CLUH: variants seen among roughly 807,000 people sequenced by gnomAD.
The protein encoded by CLUH is clustered mitochondria protein homolog.
Under a neutral mutation model 139.3 loss-of-function variants are expected in CLUH, and 77 were observed. The ratio of observed to expected loss-of-function variants is 0.55; its 90% CI spans 0.46 to 0.67. The LOEUF (loss-of-function observed/expected upper bound fraction) is 0.67, where lower values mean the gene tolerates loss of function less well. CLUH is among the 30% of genes least tolerant of loss of function. The pLI, the probability that CLUH is intolerant of heterozygous loss-of-function variation, is 0.00. For synonymous variants in CLUH, 999 were observed against 801.6 expected (o/e 1.25, Z -4.16); for missense variants, 1,876 against 1,875.8 (o/e 1.00, Z 0.00).
In CLUH at chr17:2,691,851, G is replaced by A. The variant is rs761481716; in HGVS notation, c.3699C>T (p.Leu1233=). ...CCACGGCCTGCTGGGTCAGGCACTT[G>A]AGGTACTCGGAGCTTTCCTTGGTCT... is the stretch of plus-strand genomic sequence containing the variant. ...HEKTKESSEY[L]KCLTQQAVAL... The change falls in exon 24 of 26, where the codon CTC becomes CTT. Residue 1233 remains leucine (L), a synonymous_variant. Coordinates refer to ENST00000651024, the MANE Select transcript of CLUH (RefSeq NM_001366661.1). The A allele has an allele frequency of 7.2e-5, 112 of 1,550,736 alleles. 1 individual carries two copies. The South Asian group carries it at 1.3e-3, about 17-fold the overall frequency.
chr17:2,700,991 G>C (rs2070157076), intron 7 of CLUH, 149 bp downstream of exon 7: 1 of 1,456,936 alleles, frequency 6.9e-7, no homozygotes, highest in African/African-American at 1.4e-5. Flanking sequence ...TGCTGTCTCG[G>C]CACTGGCCGA....
chr17:2,698,708 G>C (rs1030124866), intron 9 of CLUH, 118 bp from the exon 10 acceptor site: 2 of 929,598 alleles, frequency 2.2e-6, no homozygotes, highest in African/African-American at 3.3e-5. Context: ...GAAACCCAAG[G>C]ACCCGGAGCC....
Position 2,694,453 on chromosome 17 carries a change from AGCGGGGATGCT to A in CLUH, c.2937+16_2937+26del. 1.2e-6 allele frequency: 1 copy of A among 814,568 alleles called. No homozygotes were observed. The highest frequency in any genetic ancestry group is 1.9e-6 in the Non-Finnish European group (1 of 526,812). The allele number at this position is 814,568 out of a possible 1,614,324, so 50.5% of individuals were successfully genotyped here. ...CGCAGCGGGGACACAGCGGGGACACAGCGGGGATGCTGTGAGCCATGCCCACCTGGATCCCT... is the reference window on the plus strand; with the variant it reads ...CGCAGCGGGGACACAGCGGGGACACAGTGAGCCATGCCCACCTGGATCCCT... On this transcript the variant is annotated intron_variant, in intron 17 of 25. Coordinates refer to ENST00000651024, the MANE Select transcript of CLUH (RefSeq NM_001366661.1).
Position 2,704,378 on chromosome 17 carries a change from T to C in CLUH, c.287A>G (p.Glu96Gly). The change falls in exon 2 of 26, where the codon GAG becomes GGG. Residue 96 changes from glutamate (E) to glycine (G), a missense_variant. Glu to Gly is a moderately conservative substitution (Grantham distance 98). Transcript: ENST00000651024. This position sits in a 1 kb window ranked among gnomAD's most constrained non-coding sequence, Gnocchi z 5.7. ...CCATCTTACCTGCAGGGAGAAGGGC[T>C]CGATCCCAGGGGCGAGGATCTTCAC... ...FSVKILAPGIEPFSLQVSPQE... is the reference protein window; with the variant it reads ...FSVKILAPGIGPFSLQVSPQE... The C allele has an allele frequency of 6.2e-7, 1 of 1,611,052 alleles. No homozygotes were observed. Among genetic ancestry groups the C allele is most frequent in the Non-Finnish European group, 8.5e-7 (1 of 1,178,810 alleles).
chr17:2,690,705 C>T lies in CLUH; in HGVS notation c.3936G>A (p.Arg1312=). Residue 1312 remains arginine (R), a synonymous_variant, in exon 26 of 26, where the codon AGG becomes AGA. Transcript: ENST00000651024. ...TAGCCATGGGCTCCTCGGCTCTATC[C>T]CTGTTTCTGCTGGCCTCCTGGAGCT... is the stretch of plus-strand genomic sequence containing the variant. The part of the protein sequence containing the change: ...RHQLQEASRN[R]DRAEEPMATE... 6.4e-7 allele frequency: 1 copy of T among 1,562,090 alleles called. No homozygotes were observed. The highest frequency in any genetic ancestry group is 1.2e-5 in the South Asian group (1 of 84,396).
In CLUH at chr17:2,704,212, C is replaced by T. The variant is rs917222900; in HGVS notation, c.303+150G>A. 1.6e-5 allele frequency: 13 copies of T among 825,506 alleles called. No individual in the cohort carries two copies. The highest frequency in any genetic ancestry group is 3.6e-5 in the South Asian group (2 of 56,282). 51.1% of individuals were successfully genotyped at this position (825,506 alleles called of 1,614,324 possible). A position where few individuals can be genotyped will look rare whatever the true frequency, so the allele number is the denominator to read the frequency against. On this transcript the variant is annotated intron_variant, in intron 2 of 25. Transcript: ENST00000651024. The surrounding 1 kb of genome is among the most constrained non-coding windows in gnomAD (Gnocchi z 5.7). ...CTGGGCTCGATTCCCACGTCCACCACGCTAGCTGAGTGACTCTAGGGAGGG... is the reference window on the plus strand; with the variant it reads ...CTGGGCTCGATTCCCACGTCCACCATGCTAGCTGAGTGACTCTAGGGAGGG...
rs1409088937 is a variant in CLUH at position 2,694,848 on chromosome 17, C to G, written c.2852+9G>C. 1.3e-6 allele frequency: 2 copies of G among 1,501,458 alleles called. No homozygotes were observed. Among genetic ancestry groups the G allele is most frequent in the Non-Finnish European group, 8.9e-7 (1 of 1,121,720 alleles). The allele number at this position is 1,501,458 out of a possible 1,614,324, so 93.0% of individuals were successfully genotyped here. A position where few individuals can be genotyped will look rare whatever the true frequency, so the allele number is the denominator to read the frequency against. ...CCCACCCACCCCACCGCCCCTGCCC[C>G]GCACGCACCACTCGAGGTCGAAGTC... is the stretch of plus-strand genomic sequence containing the variant. On this transcript the variant is annotated intron_variant, in intron 16 of 25. Coordinates refer to ENST00000651024, the MANE Select transcript of CLUH (RefSeq NM_001366661.1).
intron 10 of CLUH, 97 bp from the exon 11 acceptor site, chr17:2,697,039 A>G: frequency 1.1e-6 from 1 of 898,418 alleles, no homozygotes; most frequent in South Asian, 1.8e-5. Context: ...CACACCCCGC[A>G]GGCATAGGGC....
At position 2,692,706 on chromosome 17, in the gene CLUH, G is replaced by C. The variant is rs1337161215; in HGVS notation, c.3313-10C>G. On this transcript the variant is annotated splice_polypyrimidine_tract_variant and intron_variant, in intron 20 of 25. Coordinates refer to ENST00000651024, the MANE Select transcript of CLUH (RefSeq NM_001366661.1). ...ACAGGGCCAGGTGCATCTGCGGGCG[G>C]GGCGGAGACAGGTCAGGGTGGCCGC... The C allele has an allele frequency of 5.6e-6, 9 of 1,608,834 alleles. No individual in the cohort carries two copies. Among genetic ancestry groups the C allele is most frequent in the Non-Finnish European group, 7.6e-6 (9 of 1,177,278 alleles).
At chr17:2,701,564 G>A in intron 5 of CLUH, 44 bp from the exon 6 acceptor site, 1 of 1,611,948 alleles carries the variant, frequency 6.2e-7, no homozygotes. Flanking sequence ...TCTGGTGTGG[G>A]GCCTCCACCC....
In CLUH at chr17:2,703,651, C is replaced by T. The variant is rs572155053; in HGVS notation, c.304-162G>A. On this transcript the variant is annotated intron_variant, in intron 2 of 25. Coordinates refer to ENST00000651024, the MANE Select transcript of CLUH (RefSeq NM_001366661.1). This position sits in a 1 kb window ranked among gnomAD's most constrained non-coding sequence, Gnocchi z 4.2. ...CCCCAGAATAAATGCCCCAAATACT[C>T]GAATATCGGCTATCCCACTTTCTGG... 6.6e-6 allele frequency among the ~76,000 whole-genome samples: 1 copy of T among 152,296 alleles called. No homozygotes were observed. Among genetic ancestry groups the T allele is most frequent in the Non-Finnish European group, 1.5e-5 (1 of 68,024 alleles).
Position 2,694,112 on chromosome 17 carries a change from T to G in CLUH, c.3091+11A>C, listed in dbSNP as rs1231270271. 6.2e-6 allele frequency: 10 copies of G among 1,613,736 alleles called. No homozygotes were observed. Among genetic ancestry groups the G allele is most frequent in the Non-Finnish European group, 8.5e-6 (10 of 1,179,842 alleles). On this transcript the variant is annotated intron_variant, in intron 18 of 25. Coordinates refer to ENST00000651024, the MANE Select transcript of CLUH (RefSeq NM_001366661.1). ...ACCCCCACCTCCACCCAGCCCCACC[T>G]GGCCACACACCCTGCTGCACTTTGG...
chr17:2,693,404 A>G (rs994377933), intron 19 of CLUH, among the ~76,000 whole-genome samples: 8 of 148,650 alleles, frequency 5.4e-5, no homozygotes, highest in African/African-American at 2.1e-4. Context: ...TCAGAAACAA[A>G]CAAACAAACA....
rs369124420 is a variant in CLUH, at chr17:2,695,415, C to G, written c.2503G>C (p.Val835Leu). 1.2e-6 allele frequency: 2 copies of G among 1,612,600 alleles called. No individual in the cohort carries two copies. Among genetic ancestry groups the G allele is most frequent in the Non-Finnish European group, 1.7e-6 (2 of 1,179,764 alleles). The change falls in exon 14 of 26, where the codon GTG (valine) becomes CTG (leucine). Residue 835 changes from valine (V) to leucine (L), a missense_variant. Val to Leu is a conservative substitution (Grantham distance 32). This residue lies in a region of CLUH where 1,454 missense variants were observed against 1,384.4 expected (regional missense o/e 1.05). Coordinates refer to ENST00000651024, the MANE Select transcript of CLUH (RefSeq NM_001366661.1). The part of the protein sequence containing the change: ...MRYLGKVLEL[V>L]LRSPARHQLD... ...TGGTGGCGGGCCGGGCTCCGCAGCA[C>G]CAGCTCCAGCACCTTGCCCAGGTAG...
rs1280730031 is a variant in CLUH at position 2,689,923 on chromosome 17, A to G, written c.*671T>C. ...GTAGGGAGCCGAGTCAGAGCCACCCACTGGGCTCTGAGGGCCCAGCAAGCC... is the reference window on the plus strand; with the variant it reads ...GTAGGGAGCCGAGTCAGAGCCACCCGCTGGGCTCTGAGGGCCCAGCAAGCC... On this transcript the variant is annotated 3_prime_UTR_variant, in exon 26 of 26. Coordinates refer to ENST00000651024, the MANE Select transcript of CLUH (RefSeq NM_001366661.1). 2 of 152,434 alleles carry G rather than the reference A, an allele frequency of 1.3e-5. No homozygotes were observed. The highest frequency in any genetic ancestry group is 2.9e-5 in the Non-Finnish European group (2 of 68,178). The allele number at this position is 152,434 out of a possible 1,614,324, so 9.4% of individuals were successfully genotyped here. A position where few individuals can be genotyped will look rare whatever the true frequency, so the allele number is the denominator to read the frequency against.
rs1425120685 is a variant in CLUH at position 2,694,245 on chromosome 17, C to T, written c.2969G>A (p.Arg990His). The T allele has an allele frequency of 1.9e-6, 3 of 1,606,738 alleles. No individual in the cohort carries two copies. The highest frequency in any genetic ancestry group is 1.7e-5 in the Admixed American group (1 of 59,442). Residue 990 changes from arginine to histidine, a missense_variant, in exon 18 of 26, where the codon CGC becomes CAC. Physicochemically the swap from Arg to His is conservative, Grantham distance 29. Coordinates refer to ENST00000651024, the MANE Select transcript of CLUH (RefSeq NM_001366661.1). The stretch of plus-strand genomic sequence containing the variant: ...CTCCTCGGTGAACGCGGGCTTGTGG[C>T]GACTGTCGAAGCTGTACTCCTTCAG... ...VLLKEYSFDS[R>H]HKPAFTEEDV...
chr17:2,694,437 GAC>G (rs1567581189), intron 17 of CLUH, 41 bp downstream of exon 17: 1 of 77,208 alleles, frequency 1.3e-5, no homozygotes, highest in East Asian at 2.3e-3. Flanking sequence ...ACGCAGCGGG[GAC>G]ACAGCGGGGA....
At chr17:2,711,524 C>CAA (rs1339198582) in intron 1 of CLUH, 38 bp downstream of exon 1, 199 of 631,366 alleles carry the variant, frequency 3.2e-4, no homozygotes, top group Admixed American at 1.5e-3. Flanking sequence ...GGTCCGGCGC[C>CAA]CCCCGCCCAG....
intron 17 of CLUH, 32 bp downstream of exon 17, chr17:2,694,442 AGCGGGG>A (rs1382369214): frequency 6.7e-7 from 1 of 1,501,986 alleles, no homozygotes; most frequent in Non-Finnish European, 9.1e-7. Flanking sequence ...GCGGGGACAC[AGCGGGG>A]ACACAGCGGG....
Sources: allele counts gnomAD v4.1 joint callset (sites outside exome capture counted in the v4.1 genomes callset), GRCh38; gene constraint gnomAD v4.1.1; regional missense constraint gnomAD v4.1.1; non-coding constraint Gnocchi (gnomAD v3.1); transcripts MANE v1.5; gene names NCBI Gene and HGNC (gene_info 2026-07-23, HGNC 2026-07-21).